PHF14: variants seen among roughly 807,000 people sequenced by gnomAD.
The protein encoded by PHF14 is PHD finger protein 14.
Under a neutral mutation model 117.9 loss-of-function variants are expected in PHF14, and 55 were observed. The ratio of observed to expected loss-of-function variants is 0.47; its 90% CI spans 0.38 to 0.58. PHF14 has a LOEUF of 0.58. PHF14 is among the 20% of genes least tolerant of loss of function. The pLI, the probability that PHF14 is intolerant of heterozygous loss-of-function variation, is 0.00. For synonymous variants in PHF14, 409 were observed against 368.6 expected (o/e 1.11, Z -1.26); for missense variants, 978 against 1,122.2 (o/e 0.87, Z 1.84).
At chr7:11,005,529 A>T (rs974517296) in intron 4 of PHF14, among the ~76,000 whole-genome samples, 4 of 152,102 alleles carry the variant, frequency 2.6e-5, no homozygotes, top group African/African-American at 7.2e-5. Context: ...TTCTGTCTCT[A>T]CCTCTAAATA....
chr7:10,981,023 G>C (rs10486108), intron 2 of PHF14, among the ~76,000 whole-genome samples: 26,404 of 152,008 alleles, frequency 0.17, 2,936 homozygotes, highest in African/African-American at 0.3. Context: ...CATAGGGTCA[G>C]TCAGTATCTG....
At chr7:11,056,239 C>A (rs1189604069) in intron 14 of PHF14, among the ~76,000 whole-genome samples, 6 of 152,128 alleles carry the variant, frequency 3.9e-5, no homozygotes, top group African/African-American at 1.4e-4. Context: ...GGAAATCCAT[C>A]ACTTTTATTT....
At chr7:11,104,869 G>T in intron 16 of PHF14, 5 of 958,050 alleles carry the variant, frequency 5.2e-6, no homozygotes, top group Non-Finnish European at 6.2e-6. Flanking sequence ...CCATTCATAG[G>T]TAGTATTTTT....
intron 4 of PHF14, among the ~76,000 whole-genome samples, chr7:11,008,838 A>G (rs909531489): frequency 1.3e-5 from 2 of 152,012 alleles, no homozygotes; most frequent in Non-Finnish European, 2.9e-5. Context: ...GATCGAGACC[A>G]TCCTGACTAA....
chr7:10,993,750 G>A (rs1207321249), intron 4 of PHF14, among the ~76,000 whole-genome samples: 1 of 152,168 alleles, frequency 6.6e-6, no homozygotes, highest in Non-Finnish European at 1.5e-5. Flanking sequence ...GCTCATGCCT[G>A]TAAATCCCAG....
At chr7:11,102,326 A>G (rs1163870041) in intron 16 of PHF14, among the ~76,000 whole-genome samples, 2 of 151,854 alleles carry the variant, frequency 1.3e-5, no homozygotes, top group East Asian at 3.9e-4. Context: ...AGGAACCTAC[A>G]CAAGATCATG....
intron 6 of PHF14, 115 bp from the exon 7 acceptor site, chr7:11,028,566 T>G: frequency 1.1e-6 from 1 of 901,400 alleles, no homozygotes; most frequent in Non-Finnish European, 1.7e-6. Flanking sequence ...GGTACATAAT[T>G]GGTTCATTAT....
At chr7:11,092,560 A>AC (rs1433233827) in intron 16 of PHF14, among the ~76,000 whole-genome samples, 2 of 42,910 alleles carry the variant, frequency 4.7e-5, no homozygotes, top group African/African-American at 2.0e-4. Flanking sequence ...TGAAGATTCC[A>AC]ATCAGTAGGT....
chr7:11,099,804 A>C (rs538440489), intron 16 of PHF14, among the ~76,000 whole-genome samples: 7 of 152,110 alleles, frequency 4.6e-5, no homozygotes, highest in Admixed American at 4.6e-4. Flanking sequence ...CAAAACAAAT[A>C]TACAGTTTCA....
intron 16 of PHF14, among the ~76,000 whole-genome samples, chr7:11,098,981 T>A (rs1160311439): frequency 6.6e-6 from 1 of 152,206 alleles, no homozygotes; most frequent in Non-Finnish European, 1.5e-5. Flanking sequence ...AAGTAAATTT[T>A]GTGCTATAAT....
At chr7:11,034,334 A>G (rs928677679) in intron 7 of PHF14, among the ~76,000 whole-genome samples, 1 of 151,986 alleles carries the variant, frequency 6.6e-6, no homozygotes, top group Non-Finnish European at 1.5e-5. Flanking sequence ...TTTGTTAGCA[A>G]TTACATTGTA....
chr7:11,138,041 CT>C (rs34783802), intron 17 of PHF14, among the ~76,000 whole-genome samples: 74 of 145,464 alleles, frequency 5.1e-4, no homozygotes, highest in Non-Finnish European at 5.9e-4. Flanking sequence ...AAAAATACTT[CT>C]TTTTTTTTTT....
At chr7:11,003,208 G>A (rs761297480) in intron 4 of PHF14, among the ~76,000 whole-genome samples, 48 of 152,202 alleles carry the variant, frequency 3.2e-4, no homozygotes, top group Non-Finnish European at 6.3e-4. Context: ...CAAAGTGCTG[G>A]TGCATATCTG....
chr7:10,978,225 G>A (rs1781935660), intron 2 of PHF14, among the ~76,000 whole-genome samples: 1 of 152,168 alleles, frequency 6.6e-6, no homozygotes, highest in South Asian at 2.1e-4. Flanking sequence ...TTTGCTAGAT[G>A]TTATGGTGAA....
At chr7:10,993,682 G>T (rs979914909) in intron 4 of PHF14, among the ~76,000 whole-genome samples, 4 of 152,120 alleles carry the variant, frequency 2.6e-5, no homozygotes, top group African/African-American at 9.7e-5. Flanking sequence ...TGTGAGGGTG[G>T]TTGGGTGAGT....
chr7:10,989,956 A>G (rs1471179584), intron 3 of PHF14, among the ~76,000 whole-genome samples: 1 of 152,126 alleles, frequency 6.6e-6, no homozygotes, highest in African/African-American at 2.4e-5. Context: ...ATCACTAGCT[A>G]GATGTATTTA....
chr7:10,974,200 G>A lies in PHF14; in HGVS notation c.-124G>A. On this transcript the variant is annotated 5_prime_UTR_variant, in exon 1 of 18. Coordinates refer to ENST00000634607, the MANE Select transcript of PHF14 (RefSeq NM_001007157.2). ...GGAGCGCCCCTGTCCGGCTGGCTGCGCGCCGGTTTTAAATAGCATCTTTCG... is the reference window on the plus strand; with the variant it reads ...GGAGCGCCCCTGTCCGGCTGGCTGCACGCCGGTTTTAAATAGCATCTTTCG... 1.2e-6 allele frequency: 1 copy of A among 836,006 alleles called. No individual in the cohort carries two copies. Among genetic ancestry groups the A allele is most frequent in the Non-Finnish European group, 2.0e-6 (1 of 510,390 alleles). 51.8% of individuals were successfully genotyped at this position (836,006 alleles called of 1,614,324 possible). A position where few individuals can be genotyped will look rare whatever the true frequency, so the allele number is the denominator to read the frequency against.
chr7:11,169,346 A>C (rs997700648), intron 17 of PHF14, 70 bp from the exon 18 acceptor site: 2 of 686,756 alleles, frequency 2.9e-6, no homozygotes, highest in African/African-American at 1.9e-5. Context: ...ATGCAGTTAA[A>C]ATCTGTCAAG....
chr7:10,990,667 G>T, intron 3 of PHF14, 36 bp from the exon 4 acceptor site: 3 of 1,281,280 alleles, frequency 2.3e-6, no homozygotes, highest in Non-Finnish European at 3.2e-6. Context: ...TACTTTAAAT[G>T]TGATTTTCTG....
Sources: gnomAD v4.1 joint callset for allele counts (sites outside exome capture counted in the v4.1 genomes callset) on GRCh38, gnomAD v4.1.1 for gene constraint, MANE v1.5 for transcripts, NCBI Gene and HGNC (gene_info 2026-07-23, HGNC 2026-07-21) for gene names.